Variants in FER observed in about 807,000 individuals in gnomAD.
FER encodes the protein FER tyrosine kinase.
Under a neutral mutation model 111.0 loss-of-function variants are expected in FER, and 63 were observed. The observed-to-expected ratio is 0.57, with a 90% CI of 0.46 to 0.70. The LOEUF is 0.70. Ranked by LOEUF, FER falls within the 30% of genes least tolerant of loss-of-function variation. FER has a pLI of 0.00. For synonymous variants in FER, 327 were observed against 313.9 expected (o/e 1.04, Z -0.44); for missense variants, 914 against 954.0 (o/e 0.96, Z 0.55).
chr5:108,909,717 A>G (rs950115016), intron 10 of FER, among the ~76,000 whole-genome samples: 3 of 151,928 alleles, frequency 2.0e-5, no homozygotes, highest in African/African-American at 7.2e-5. Context: ...GTTAAGAAAC[A>G]ATCTTCGGAC....
At chr5:108,833,854 T>A (rs62363289) in intron 4 of FER, among the ~76,000 whole-genome samples, 34,449 of 148,844 alleles carry the variant, frequency 0.23, 4,144 homozygotes, top group African/African-American at 0.29. Context: ...AGCCTGGGCA[T>A]CAGAGCAAGA....
chr5:109,147,324 C>T (rs184620123), intron 17 of FER, among the ~76,000 whole-genome samples: 46 of 151,802 alleles, frequency 3.0e-4, no homozygotes, highest in Admixed American at 7.9e-4. Flanking sequence ...ATGCATATGC[C>T]GGCAGTGGGG....
intron 2 of FER, among the ~76,000 whole-genome samples, chr5:108,773,465 C>T (rs765548298): frequency 3.3e-5 from 5 of 152,126 alleles, no homozygotes; most frequent in Admixed American, 6.6e-5. Flanking sequence ...TCTGTTCCTA[C>T]GTTACTTTGC....
chr5:109,176,354 A>G (rs1554159411), intron 17 of FER, among the ~76,000 whole-genome samples: 1 of 152,208 alleles, frequency 6.6e-6, no homozygotes, highest in Non-Finnish European at 1.5e-5. Flanking sequence ...CCTGGAGTAC[A>G]TTATGTTAAG....
At chr5:109,054,131 A>G (rs537307699) in intron 16 of FER, among the ~76,000 whole-genome samples, 1 of 152,302 alleles carries the variant, frequency 6.6e-6, no homozygotes, top group South Asian at 2.1e-4. Context: ...AAATGCTTTC[A>G]TTCTCTTGGG....
intron 17 of FER, among the ~76,000 whole-genome samples, chr5:109,167,668 G>C (rs896802157): frequency 6.6e-6 from 1 of 152,174 alleles, no homozygotes; most frequent in African/African-American, 2.4e-5. Flanking sequence ...GAATTCCTGA[G>C]GGCCTTCTGC....
chr5:109,133,241 T>A (rs1752554511), intron 17 of FER, among the ~76,000 whole-genome samples: 3 of 152,134 alleles, frequency 2.0e-5, no homozygotes. Flanking sequence ...AAAGTGTTCC[T>A]TTTAGAGGAG....
At chr5:109,086,631 C>G (rs1777596320) in intron 16 of FER, among the ~76,000 whole-genome samples, 2 of 151,318 alleles carry the variant, frequency 1.3e-5, no homozygotes, top group Non-Finnish European at 3.0e-5. Flanking sequence ...CATTCCTATC[C>G]TTTTCTGACA....
At chr5:108,977,060 A>G (rs1226845888) in intron 13 of FER, among the ~76,000 whole-genome samples, 1 of 152,252 alleles carries the variant, frequency 6.6e-6, no homozygotes, top group Non-Finnish European at 1.5e-5. Flanking sequence ...CTGCTCACAC[A>G]GAGATGATTA....
At chr5:108,774,915 T>C (rs888314227) in intron 2 of FER, among the ~76,000 whole-genome samples, 2 of 152,196 alleles carry the variant, frequency 1.3e-5, no homozygotes, top group African/African-American at 4.8e-5. Flanking sequence ...CATGTGTCAA[T>C]TTTGGCTTTT....
chr5:109,071,292 A>C (rs1424213771), intron 16 of FER, among the ~76,000 whole-genome samples: 2 of 152,004 alleles, frequency 1.3e-5, no homozygotes, highest in Admixed American at 6.6e-5. Flanking sequence ...CTAGATGTCC[A>C]TGGAAATGTT....
intron 13 of FER, among the ~76,000 whole-genome samples, chr5:108,966,761 A>G (rs1759901961): frequency 6.6e-6 from 1 of 152,090 alleles, no homozygotes; most frequent in Admixed American, 6.5e-5. Flanking sequence ...GAAATGTACA[A>G]CAAAATGTAC....
At chr5:108,793,097 C>G (rs1436069181) in intron 2 of FER, among the ~76,000 whole-genome samples, 2 of 152,148 alleles carry the variant, frequency 1.3e-5, no homozygotes, top group African/African-American at 4.8e-5. Flanking sequence ...GTTGTGCTAT[C>G]AGGTACTAGG....
At chr5:109,092,330 A>G (rs1470930093) in intron 16 of FER, among the ~76,000 whole-genome samples, 1 of 149,214 alleles carries the variant, frequency 6.7e-6, no homozygotes, top group Non-Finnish European at 1.5e-5. Flanking sequence ...GGAAAAAGCA[A>G]CCTAAAGAAT....
chr5:108,748,751 G>C (rs1750060408), intron 1 of FER: 1 of 152,352 alleles, frequency 6.6e-6, no homozygotes, highest in Non-Finnish European at 1.5e-5. Flanking sequence ...TTCGGGGACC[G>C]GGCCAATCGG....
At position 109,111,227 on chromosome 5, in the gene FER, A is replaced by G. The variant is rs544537669; in HGVS notation, c.2048+10708A>G. On this transcript the variant is annotated intron_variant, in intron 17 of 19. Transcript: ENST00000281092. ...GGGTCTCTGGTTTTATGACTTGTAA[A>G]TGAACACAGGTAATTATTATTTACC... is the stretch of plus-strand genomic sequence containing the variant. Among the ~76,000 whole-genome samples, 5 of 152,298 alleles carry G rather than the reference A, an allele frequency of 3.3e-5. No individual in the cohort carries two copies. The South Asian group carries it at 1.0e-3, about 32-fold the overall frequency.
chr5:108,946,157 G>C lies in FER; in HGVS notation c.1264G>C (p.Glu422Gln). The C allele has an allele frequency of 1.9e-6, 3 of 1,612,158 alleles. No homozygotes were observed. Among genetic ancestry groups the C allele is most frequent in the Non-Finnish European group, 2.5e-6 (3 of 1,178,790 alleles). The part of the protein sequence containing the change: ...MERKERLSKF[E>Q]SIRHSIAGII... ...AAGAAAGGAGAGGCTATCCAAATTT[G>C]AATCTATTCGTCATTCAATTGCTGG... Residue 422 changes from glutamate to glutamine, a missense_variant, in exon 11 of 20, where the codon GAA becomes CAA. By Grantham distance (29) the Glu-to-Gln change is conservative. This residue lies in a region of FER where 774 missense variants were observed against 782.6 expected (regional missense o/e 0.99). Transcript: ENST00000281092.
Position 109,088,258 on chromosome 5 carries a change from A to T in FER, c.1925-12138A>T, listed in dbSNP as rs114546272. Among the ~76,000 whole-genome samples the T allele has an allele frequency of 6.0e-3, 917 of 152,150 alleles. 5 individuals carry two copies. Among genetic ancestry groups the T allele is most frequent in the Non-Finnish European group, 9.4e-3 (641 of 67,926 alleles). ...AAAACCTAGGCTGAACTTAACAGTT[A>T]TATCTCCTAGGCTTATCATTTGGAC... On this transcript the variant is annotated intron_variant, in intron 16 of 19. Coordinates refer to ENST00000281092, the MANE Select transcript of FER (RefSeq NM_005246.4).
Position 108,752,339 on chromosome 5 carries a change from A to T in FER, c.-206+4339A>T, listed in dbSNP as rs146519135. Among the ~76,000 whole-genome samples, 8 of 152,238 alleles carry T rather than the reference A, an allele frequency of 5.3e-5. No homozygotes were observed. The East Asian group carries it at 1.5e-3, about 29-fold the overall frequency. The stretch of plus-strand genomic sequence containing the variant: ...AAATGAAGTCACTCATCATTCTACC[A>T]TAATGATTTGAAAACTAACAAACTT... On this transcript the variant is annotated intron_variant, in intron 1 of 19. Coordinates refer to ENST00000281092, the MANE Select transcript of FER (RefSeq NM_005246.4).
Sources: allele counts gnomAD v4.1 joint callset (sites outside exome capture counted in the v4.1 genomes callset), GRCh38; gene constraint gnomAD v4.1.1; regional missense constraint gnomAD v4.1.1; transcripts MANE v1.5; gene names NCBI Gene and HGNC (gene_info 2026-07-23, HGNC 2026-07-21).